The following SEPTIN4 variants were observed in gnomAD, a reference collection of about 807,000 sequenced individuals.
SEPTIN4 encodes the protein septin-4.
SEPTIN4 carries 52 observed loss-of-function variants against 107.1 expected under a neutral mutation model. The observed-to-expected ratio is 0.49, with a 90% CI of 0.39 to 0.61. The LOEUF (loss-of-function observed/expected upper bound fraction) is 0.61, where lower values mean the gene tolerates loss of function less well. Ranked by LOEUF, SEPTIN4 falls within the 20% of genes least tolerant of loss-of-function variation. The pLI is 0.00. For synonymous variants in SEPTIN4, 417 were observed against 467.0 expected, an observed-to-expected ratio of 0.89 and a Z score of 1.38; for missense variants, 1,048 against 1,243.5, an observed-to-expected ratio of 0.84 and a Z score of 2.36.
rs1176955659 is a variant in SEPTIN4, at chr17:58,542,963, C to A, written c.1224G>T (p.Leu408=). 2 of 1,613,874 alleles carry A rather than the reference C, an allele frequency of 1.2e-6. No homozygotes were observed. Among genetic ancestry groups the A allele is most frequent in the African/African-American group, 2.7e-5 (2 of 74,908 alleles). ...ACCGAGGAGGCAAGGGCCTAGGGGTCAGTTCCAGTTCTGCATGGATGGAGG... is the reference window on the plus strand; with the variant it reads ...ACCGAGGAGGCAAGGGCCTAGGGGTAAGTTCCAGTTCTGCATGGATGGAGG... ...QKPSIHAELE[L]TPRPLPPRSL... Residue 408 remains leucine, a synonymous_variant, in exon 1 of 14, where the codon CTG becomes CTT. Coordinates refer to ENST00000672673, the MANE Select transcript of SEPTIN4 (RefSeq NM_001368771.2).
chr17:58,531,459 A>T (rs758659953), intron 3 of SEPTIN4: 1 of 152,364 alleles, frequency 6.6e-6, no homozygotes, highest in Admixed American at 6.5e-5. Context: ...GGCTGAGGGA[A>T]GGAGGGGCCA....
At position 58,521,011 on chromosome 17, in the gene SEPTIN4, C is replaced by A; in HGVS notation, c.2818G>T (p.Glu940Ter). The change falls in exon 12 of 14, where the codon GAA becomes TAA. Residue 940 changes from glutamate (E) to a stop codon, truncating the protein, a stop_gained. Transcript: ENST00000672673. LOFTEE classifies it high-confidence loss of function. This position sits in a 1 kb window ranked among gnomAD's most constrained non-coding sequence, Gnocchi z 6.4. ...IQSMTRLVVK[E>*]RNRNKLTRES... ...TTCTGGTCATACTTGCGATTCCGTT[C>A]CTTCACCACCAGGCGGGTCATGCTC... 6.2e-7 allele frequency: 1 copy of A among 1,614,116 alleles called. No homozygotes were observed. Among genetic ancestry groups the A allele is most frequent in the Non-Finnish European group, 8.5e-7 (1 of 1,180,008 alleles).
chr17:58,541,749 C>T, intron 2 of SEPTIN4, 173 bp downstream of exon 2: 1 of 1,568,724 alleles, frequency 6.4e-7, no homozygotes, highest in South Asian at 1.2e-5. Flanking sequence ...AAAGAAATGA[C>T]TCTAATGGTG....
chr17:58,542,788 T>C lies in SEPTIN4; in HGVS notation c.1399A>G (p.Ser467Gly). 3 of 1,614,166 alleles carry C rather than the reference T, an allele frequency of 1.9e-6. No individual in the cohort carries two copies. The South Asian group carries it at 3.3e-5, about 18-fold the overall frequency. The change falls in exon 1 of 14, where the codon AGC becomes GGC. Residue 467 changes from serine to glycine, a missense_variant. Physicochemically the swap from Ser to Gly is moderately conservative, Grantham distance 56 (BLOSUM62 0). Around this residue, in one of 2 missense-constraint regions of SEPTIN4, gnomAD observed 787 missense variants for 871.8 expected, o/e 0.90. Transcript: ENST00000672673. ...AACTTCAGATCCTCACAGAAAGGGC[T>C]AGAGTCTATTTTAAAACCGGACAAT... Reference protein sequence around the residue: ...LLLSGFKIDSSPFCEDLKFQR... With the variant: ...LLLSGFKIDSGPFCEDLKFQR...
chr17:58,539,148 T>C, intron 3 of SEPTIN4: 6 of 1,534,818 alleles, frequency 3.9e-6, no homozygotes, highest in Admixed American at 2.0e-5. Context: ...GCCCAGCTGC[T>C]TGGGAGCCTT....
Position 58,543,634 on chromosome 17 carries a change from G to A in SEPTIN4, c.553C>T (p.Gln185Ter), listed in dbSNP as rs151156251. The A allele has an allele frequency of 4.3e-6, 7 of 1,614,054 alleles. No homozygotes were observed. The African/African-American group carries it at 9.3e-5, about 22-fold the overall frequency. ...DDPPSKVQNP[Q>*]GVRVPRRILS... ...ATCCTACGGGGAACTCTGACTCCTT[G>A]GGGGTTCTGGACCTTGGATGGTGGG... Residue 185 changes from glutamine (Q) to a stop codon, truncating the protein, a stop_gained, in exon 1 of 14, where the codon CAA becomes TAA. Coordinates refer to ENST00000672673, the MANE Select transcript of SEPTIN4 (RefSeq NM_001368771.2). LOFTEE classifies it high-confidence loss of function.
At position 58,521,025 on chromosome 17, in the gene SEPTIN4, C is replaced by A. The variant is rs1403666307; in HGVS notation, c.2804G>T (p.Arg935Leu). 1 of 1,614,158 alleles carries A rather than the reference C, an allele frequency of 6.2e-7. No individual in the cohort carries two copies. Among genetic ancestry groups the A allele is most frequent in the Admixed American group, 1.7e-5 (1 of 60,024 alleles). The change falls in exon 12 of 14, where the codon CGC becomes CTC. Residue 935 changes from arginine to leucine, a missense_variant. This residue lies in a region of SEPTIN4 where 261 missense variants were observed against 371.7 expected (regional missense o/e 0.70). Transcript: ENST00000672673. This position sits in a 1 kb window ranked among gnomAD's most constrained non-coding sequence, Gnocchi z 6.4. ...YRAQCIQSMTRLVVKERNRNK... is the reference protein window; with the variant it reads ...YRAQCIQSMTLLVVKERNRNK... ...GCGATTCCGTTCCTTCACCACCAGG[C>A]GGGTCATGCTCTGGATGCACTGTGC...
At chr17:58,520,527 T>A in intron 13 of SEPTIN4, 42 bp from the exon 14 acceptor site, 1 of 1,609,776 alleles carries the variant, frequency 6.2e-7, no homozygotes, top group Non-Finnish European at 8.5e-7. Flanking sequence ...TTTTGGAGAG[T>A]CCTTTAGTAT....
Position 58,544,169 on chromosome 17 carries a change from T to G in SEPTIN4, c.18A>C (p.Lys6Asn). 6.2e-7 allele frequency: 1 copy of G among 1,612,018 alleles called. No individual in the cohort carries two copies. The highest frequency in any genetic ancestry group is 8.5e-7 in the Non-Finnish European group (1 of 1,178,906). The change falls in exon 1 of 14, where the codon AAA becomes AAC. Residue 6 changes from lysine to asparagine, a missense_variant. Lys to Asn is a moderately conservative substitution (Grantham distance 94). Coordinates refer to ENST00000672673, the MANE Select transcript of SEPTIN4 (RefSeq NM_001368771.2). ...CTGAAACCGCTACCTTGGCCCCAGG[T>G]TTATTTGTCTTGACCATCTGATAGA... is the stretch of plus-strand genomic sequence containing the variant. MVKTNKPGAKVAVSAQ... is the reference protein window; with the variant it reads MVKTNNPGAKVAVSAQ...
At chr17:58,523,624 C>G (rs2042516544) in intron 7 of SEPTIN4, among the ~76,000 whole-genome samples, 1 of 151,834 alleles carries the variant, frequency 6.6e-6, no homozygotes, top group African/African-American at 2.4e-5. Flanking sequence ...CATGCTTGTT[C>G]TGAATCCCTT....
Position 58,521,106 on chromosome 17 carries a change from G to A in SEPTIN4, c.2723C>T (p.Thr908Ile). 6.2e-7 allele frequency: 1 copy of A among 1,614,138 alleles called. No homozygotes were observed. Among genetic ancestry groups the A allele is most frequent in the Non-Finnish European group, 8.5e-7 (1 of 1,180,028 alleles). Reference protein sequence around the residue: ...FVKLRTMLVRTHMQDLKDVTR... With the variant: ...FVKLRTMLVRIHMQDLKDVTR... Reference sequence around the variant, plus strand: ...CACATCCTTCAGGTCCTGCATGTGGGTACGTACCAGCATTGTCCTCAGCTT... The same window carrying A: ...CACATCCTTCAGGTCCTGCATGTGGATACGTACCAGCATTGTCCTCAGCTT... Residue 908 changes from threonine to isoleucine, a missense_variant, in exon 12 of 14, where the codon ACC becomes ATC. Physicochemically the swap from Thr to Ile is moderately conservative, Grantham distance 89. Around this residue, in one of 2 missense-constraint regions of SEPTIN4, gnomAD observed 261 missense variants for 371.7 expected, o/e 0.70. Coordinates refer to ENST00000672673, the MANE Select transcript of SEPTIN4 (RefSeq NM_001368771.2). This position sits in a 1 kb window ranked among gnomAD's most constrained non-coding sequence, Gnocchi z 6.4.
chr17:58,520,831 C>A lies in SEPTIN4; in HGVS notation c.2843G>T (p.Arg948Leu), dbSNP rs770936799. 6.2e-7 allele frequency: 1 copy of A among 1,609,846 alleles called. No homozygotes were observed. Among genetic ancestry groups the A allele is most frequent in the Non-Finnish European group, 8.5e-7 (1 of 1,178,744 alleles). ...GATGGGGAAGTCGGTACCACTTTCCCGAGTCAGTTTGCTAAAGGGAGAAAA... is the reference window on the plus strand; with the variant it reads ...GATGGGGAAGTCGGTACCACTTTCCAGAGTCAGTTTGCTAAAGGGAGAAAA... ...VKERNRNKLT[R>L]ESGTDFPIPA... Residue 948 changes from arginine (R) to leucine (L), a missense_variant, in exon 13 of 14, where the codon CGG becomes CTG. Coordinates refer to ENST00000672673, the MANE Select transcript of SEPTIN4 (RefSeq NM_001368771.2).
intron 13 of SEPTIN4, 45 bp from the exon 14 acceptor site, chr17:58,520,530 T>C (rs1170510216): frequency 3.5e-5 from 57 of 1,607,390 alleles, no homozygotes; most frequent in Non-Finnish European, 4.8e-5. Context: ...TGGAGAGTCC[T>C]TTAGTATTGG....
chr17:58,539,511 C>T (rs1487521352), intron 3 of SEPTIN4, among the ~76,000 whole-genome samples: 3 of 152,200 alleles, frequency 2.0e-5, no homozygotes, highest in African/African-American at 7.2e-5. Context: ...GACTCCCTCT[C>T]TAAGACCCTC....
intron 3 of SEPTIN4, chr17:58,532,225 G>A (rs777905038): frequency 2.5e-6 from 1 of 407,768 alleles, no homozygotes; most frequent in Non-Finnish European, 3.5e-6. Flanking sequence ...CGGATGCGCA[G>A]AGTATGCAGA....
At chr17:58,534,090 G>A (rs1310988788) in intron 3 of SEPTIN4, among the ~76,000 whole-genome samples, 4 of 152,210 alleles carry the variant, frequency 2.6e-5, no homozygotes, top group Non-Finnish European at 2.9e-5. Context: ...GTTGGTACCA[G>A]CTTGCCTTGA....
chr17:58,527,305 G>A (rs2043022339), intron 3 of SEPTIN4: 1 of 490,906 alleles, frequency 2.0e-6, no homozygotes, highest in Non-Finnish European at 3.8e-6. Flanking sequence ...TTTTGAGGCT[G>A]CCTTTCCTGG....
intron 3 of SEPTIN4, among the ~76,000 whole-genome samples, chr17:58,539,808 A>G (rs758507158): frequency 5.9e-5 from 9 of 152,128 alleles, no homozygotes; most frequent in Non-Finnish European, 1.2e-4. Context: ...TCTTGCATGG[A>G]GATAATCTCT....
In SEPTIN4 at chr17:58,526,956, G is replaced by A; in HGVS notation, c.1637C>T (p.Thr546Ile). ...CTTGCTCAGTTCTCCATCATCCGTGGTGTCCTCCAGGAAACGCTTGATCTG... is the reference window on the plus strand; with the variant it reads ...CTTGCTCAGTTCTCCATCATCCGTGATGTCCTCCAGGAAACGCTTGATCTG... The part of the protein sequence containing the change: ...DEEIKRFLED[T>I]TDDGELSKFV... The change falls in exon 4 of 14, where the codon ACC becomes ATC. Residue 546 changes from threonine to isoleucine, a missense_variant. By Grantham distance (89) the Thr-to-Ile change is moderately conservative. Transcript: ENST00000672673. 2 of 1,614,132 alleles carry A rather than the reference G, an allele frequency of 1.2e-6. No homozygotes were observed. Among genetic ancestry groups the A allele is most frequent in the East Asian group, 2.2e-5 (1 of 44,884 alleles).
Sources: allele counts gnomAD v4.1 joint callset (sites outside exome capture counted in the v4.1 genomes callset), GRCh38; gene constraint gnomAD v4.1.1; regional missense constraint gnomAD v4.1.1; non-coding constraint Gnocchi (gnomAD v3.1); transcripts MANE v1.5; gene names NCBI Gene and HGNC (gene_info 2026-07-23, HGNC 2026-07-21).